RNF8: variants seen among roughly 807,000 people sequenced by gnomAD.
The protein encoded by RNF8 is ring finger protein 8, also known as E3 ubiquitin-protein ligase RNF8.
In RNF8, 8 loss-of-function variants were observed where a neutral mutation model predicts 59.3. The observed-to-expected ratio is 0.13, with a 90% CI of 0.08 to 0.24. RNF8 has a LOEUF of 0.24. RNF8 is among the 10% of genes least tolerant of loss of function. RNF8 has a pLI of 1.00. For synonymous variants in RNF8, 162 were observed against 200.0 expected, an observed-to-expected ratio of 0.81 and a Z score of 1.60; for missense variants, 406 against 572.6, an observed-to-expected ratio of 0.71 and a Z score of 2.97.
At chr6:37,385,952 A>C (rs1199676935) in intron 7 of RNF8, among the ~76,000 whole-genome samples, 1 of 148,614 alleles carries the variant, frequency 6.7e-6, no homozygotes, top group Non-Finnish European at 1.5e-5. Context: ...CTCTTACCTC[A>C]GCCTCCCAAG....
At chr6:37,355,433 C>A (rs918692071) in intron 1 of RNF8, among the ~76,000 whole-genome samples, 1 of 152,148 alleles carries the variant, frequency 6.6e-6, no homozygotes, top group Non-Finnish European at 1.5e-5. Context: ...GTTTGGTGTA[C>A]AATGAGGACA....
intron 1 of RNF8, chr6:37,359,113 A>G: frequency 2.4e-6 from 1 of 411,074 alleles, no homozygotes; most frequent in South Asian, 1.8e-5. Context: ...AAAAAAAATT[A>G]ACAAACAAAA....
At chr6:37,385,649 G>C (rs1028450988) in intron 7 of RNF8, among the ~76,000 whole-genome samples, 20 of 151,874 alleles carry the variant, frequency 1.3e-4, no homozygotes, top group African/African-American at 4.8e-4. Flanking sequence ...AAGAAGAAAA[G>C]AAAAAGTATG....
chr6:37,394,519 A>G lies in RNF8; in HGVS notation c.*3761A>G, dbSNP rs912088015. On this transcript the variant is annotated 3_prime_UTR_variant, in exon 8 of 8. Transcript: ENST00000373479. Reference sequence around the variant, plus strand: ...TCCTTTGTCTACAGCATCCCCAAACAATGTACCAGTGATGGGCTACCTGAG... The same window carrying G: ...TCCTTTGTCTACAGCATCCCCAAACGATGTACCAGTGATGGGCTACCTGAG... The G allele has an allele frequency of 4.6e-5, 7 of 152,118 alleles. No individual in the cohort carries two copies. The highest frequency in any genetic ancestry group is 1.7e-4 in the African/African-American group (7 of 41,416). 9.4% of individuals were successfully genotyped at this position (152,118 alleles called of 1,614,324 possible). A position where few individuals can be genotyped will look rare whatever the true frequency, so the allele number is the denominator to read the frequency against.
intron 3 of RNF8, among the ~76,000 whole-genome samples, chr6:37,369,488 C>T (rs1434292797): frequency 1.3e-5 from 2 of 152,218 alleles, no homozygotes; most frequent in Non-Finnish European, 2.9e-5. Flanking sequence ...CATAACTCAT[C>T]CCAGGAGGCA....
intron 2 of RNF8, among the ~76,000 whole-genome samples, chr6:37,363,658 G>C (rs1385338882): frequency 6.6e-6 from 1 of 151,998 alleles, no homozygotes; most frequent in Non-Finnish European, 1.5e-5. Flanking sequence ...TTACCCTTCT[G>C]TTGGGAGTGT....
rs1173461883 is a variant in RNF8 at position 37,360,545 on chromosome 6, G to A, written c.211G>A (p.Glu71Lys). ...RNHCVLKQNP[E>K]GQWTIMDNKS... ...CCACTGTGTTTTGAAGCAGAATCCT[G>A]AGGGCCAATGGACAATTATGGACAA... The change falls in exon 2 of 8, where the codon GAG (glutamate) becomes AAG (lysine). Residue 71 changes from glutamate (E) to lysine (K), a missense_variant. Physicochemically the swap from Glu to Lys is moderately conservative, Grantham distance 56 (BLOSUM62 1). Around this residue, in one of 3 missense-constraint regions of RNF8, gnomAD observed 62 missense variants for 112.2 expected, o/e 0.55. Coordinates refer to ENST00000373479, the MANE Select transcript of RNF8 (RefSeq NM_003958.4). This position sits in a 1 kb window ranked among gnomAD's most constrained non-coding sequence, Gnocchi z 4.2. The A allele has an allele frequency of 3.1e-6, 5 of 1,613,736 alleles. No individual in the cohort carries two copies. Among genetic ancestry groups the A allele is most frequent in the African/African-American group, 1.3e-5 (1 of 74,830 alleles).
At chr6:37,380,196 G>A (rs1426296309) in intron 6 of RNF8, among the ~76,000 whole-genome samples, 1 of 152,140 alleles carries the variant, frequency 6.6e-6, no homozygotes, top group Admixed American at 6.5e-5. Context: ...GATTACAGGT[G>A]TAAGCATTCA....
chr6:37,359,755 G>A (rs775063283), intron 1 of RNF8, among the ~76,000 whole-genome samples: 7 of 152,232 alleles, frequency 4.6e-5, no homozygotes, highest in Non-Finnish European at 1.0e-4. Flanking sequence ...ATATGCTCCA[G>A]TGATAATATC....
chr6:37,373,270 T>C (rs1467092809), intron 4 of RNF8, among the ~76,000 whole-genome samples: 2 of 152,198 alleles, frequency 1.3e-5, no homozygotes, highest in African/African-American at 2.4e-5. Flanking sequence ...CTAAGCAGTC[T>C]GCCAGTCTTT....
chr6:37,365,854 G>A (rs1769529508), intron 2 of RNF8, among the ~76,000 whole-genome samples: 1 of 152,184 alleles, frequency 6.6e-6, no homozygotes, highest in South Asian at 2.1e-4. Flanking sequence ...GTACTTGATT[G>A]TTCTGTACCG....
At chr6:37,373,749 C>T (rs1769898521) in intron 4 of RNF8, among the ~76,000 whole-genome samples, 2 of 152,170 alleles carry the variant, frequency 1.3e-5, no homozygotes. Context: ...TTAAAATACA[C>T]ATATCTAATT....
intron 2 of RNF8, among the ~76,000 whole-genome samples, chr6:37,363,994 A>T (rs539636213): frequency 1.3e-5 from 2 of 152,188 alleles, no homozygotes; most frequent in East Asian, 3.9e-4. Flanking sequence ...CCTGGCTAAC[A>T]TGGTGAAACC....
At chr6:37,384,122 C>T (rs539647283) in intron 7 of RNF8, among the ~76,000 whole-genome samples, 34 of 150,390 alleles carry the variant, frequency 2.3e-4, no homozygotes, top group Middle Eastern at 3.4e-3. Context: ...CCTTAGCTCC[C>T]TTGCTACTAT....
intron 6 of RNF8, among the ~76,000 whole-genome samples, chr6:37,378,235 A>G (rs1301171143): frequency 6.6e-6 from 1 of 152,178 alleles, no homozygotes. Context: ...CGGAGGCTAC[A>G]GTGAGTCGAG....
intron 2 of RNF8, among the ~76,000 whole-genome samples, chr6:37,362,579 C>A (rs141640996): frequency 1.3e-5 from 2 of 152,286 alleles, no homozygotes; most frequent in Non-Finnish European, 2.9e-5. Context: ...AGTAAATCCC[C>A]CCTGCCCCCT....
At chr6:37,386,506 A>G (rs898087754) in intron 7 of RNF8, among the ~76,000 whole-genome samples, 2 of 152,164 alleles carry the variant, frequency 1.3e-5, no homozygotes, top group African/African-American at 4.8e-5. Flanking sequence ...GTACACCCTA[A>G]ATGTATGGAA....
chr6:37,390,748 G>C lies in RNF8; in HGVS notation c.1448G>C (p.Arg483Thr). 6.2e-7 allele frequency: 1 copy of C among 1,612,456 alleles called. No homozygotes were observed. The highest frequency in any genetic ancestry group is 1.7e-5 in the Admixed American group (1 of 60,012). Residue 483 changes from arginine (R) to threonine (T), a missense_variant, in exon 8 of 8, where the codon AGA becomes ACA. Around this residue, in one of 3 missense-constraint regions of RNF8, gnomAD observed 59 missense variants for 118.5 expected, o/e 0.50. Transcript: ENST00000373479. Reference protein sequence around the residue: ...IVLIRERKAKRLF With the variant: ...IVLIRERKAKTLF ...CTCTTCTTTTTCTCCAAAGCAAAGA[G>C]ATTGTTCTGAAGACCGTGCTCTAAG... is the stretch of plus-strand genomic sequence containing the variant.
At chr6:37,378,600 C>CAAAAAAA (rs554259061) in intron 6 of RNF8, among the ~76,000 whole-genome samples, 2 of 56,546 alleles carry the variant, frequency 3.5e-5, no homozygotes, top group African/African-American at 5.4e-5. Flanking sequence ...GACTCCGTCT[C>CAAAAAAA]AAAAAAAAAA....
Sources: allele counts gnomAD v4.1 joint callset (sites outside exome capture counted in the v4.1 genomes callset), GRCh38; gene constraint gnomAD v4.1.1; regional missense constraint gnomAD v4.1.1; non-coding constraint Gnocchi (gnomAD v3.1); transcripts MANE v1.5; gene names NCBI Gene and HGNC (gene_info 2026-07-23, HGNC 2026-07-21).